Variants in PPP1R16A observed in about 807,000 individuals in gnomAD.
PPP1R16A encodes the protein protein phosphatase 1 regulatory subunit 16A.
A neutral mutation model predicts 46.6 loss-of-function variants in PPP1R16A; 39 were observed. The ratio of observed to expected loss-of-function variants is 0.84; its 90% CI spans 0.65 to 1.09. The LOEUF is 1.09. Among genes scored for constraint, PPP1R16A ranks in the 50% least tolerant of loss-of-function variants. The pLI, the probability that PPP1R16A is intolerant of heterozygous loss-of-function variation, is 0.00. For synonymous variants in PPP1R16A, 413 were observed against 321.5 expected (o/e 1.28, Z -3.04); for missense variants, 798 against 735.6 (o/e 1.08, Z -0.98).
Position 144,500,350 on chromosome 8 carries a change from GGGGCAGACC to G in PPP1R16A, c.665_673del (p.Gly222_Leu225delinsVal). On this transcript the variant is annotated inframe_deletion, in exon 7 of 12. Transcript: ENST00000435887. ...CGACATCCGGAGCCGGCTGCAGGCC[GGGGCAGACC>G]TCCATGCCCCCCTGGACCACGGGGC... is the stretch of plus-strand genomic sequence containing the variant. 6.5e-7 allele frequency: 1 copy of G among 1,535,482 alleles called. No homozygotes were observed. Among genetic ancestry groups the G allele is most frequent in the Non-Finnish European group, 8.7e-7 (1 of 1,146,036 alleles).
intron 1 of PPP1R16A, among the ~76,000 whole-genome samples, chr8:144,487,396 G>A (rs962723912): frequency 6.6e-6 from 1 of 151,328 alleles, no homozygotes; most frequent in Non-Finnish European, 1.5e-5. Flanking sequence ...GTCAGAGACA[G>A]AGTCTTTCTC....
rs760320204 is a variant in PPP1R16A, at chr8:144,500,706, C to G, written c.852C>G (p.Leu284=). The change falls in exon 9 of 12, where the codon CTC becomes CTG. Residue 284 remains leucine (L), a synonymous_variant. Coordinates refer to ENST00000435887, the MANE Select transcript of PPP1R16A (RefSeq NM_001329443.2). ...CACAGGTGCCCCTGGTGGAGCTGCT[C>G]GTGGCGCACGGGGCCGACCTGAACG... ...YWGQVPLVEL[L]VAHGADLNAK... The G allele has an allele frequency of 1.2e-6, 2 of 1,611,518 alleles. No homozygotes were observed. The highest frequency in any genetic ancestry group is 4.5e-5 in the East Asian group (2 of 44,854).
intron 1 of PPP1R16A, chr8:144,478,813 C>G (rs1825279106): frequency 6.6e-6 from 1 of 152,338 alleles, no homozygotes; most frequent in African/African-American, 2.4e-5. Context: ...GAGGGAGCGT[C>G]CAGGACTGGT....
chr8:144,479,113 G>A (rs1825294540), intron 1 of PPP1R16A: 1 of 152,308 alleles, frequency 6.6e-6, no homozygotes, highest in African/African-American at 2.4e-5. Flanking sequence ...GTTTCTCTGG[G>A]AGAAGGGTCT....
At position 144,498,958 on chromosome 8, in the gene PPP1R16A, G is replaced by A; in HGVS notation, c.373G>A (p.Glu125Lys). The change falls in exon 5 of 12, where the codon GAG (glutamate) becomes AAG (lysine). Residue 125 changes from glutamate to lysine, a missense_variant. By Grantham distance (56) the Glu-to-Lys change is moderately conservative (BLOSUM62 1). Coordinates refer to ENST00000435887, the MANE Select transcript of PPP1R16A (RefSeq NM_001329443.2). ...CCGAGAGATGGTGCAGCAGCTCCTG[G>A]AGGCTGGGGCCAACATCAATGCCTG... ...DFREMVQQLL[E>K]AGANINACDS... 1 of 1,612,492 alleles carries A rather than the reference G, an allele frequency of 6.2e-7. No homozygotes were observed. The highest frequency in any genetic ancestry group is 1.1e-5 in the South Asian group (1 of 91,090).
At chr8:144,498,054 G>C (rs1411652878) in intron 3 of PPP1R16A, 1 of 456,174 alleles carries the variant, frequency 2.2e-6, no homozygotes, top group Non-Finnish European at 4.4e-6. Flanking sequence ...GAGGCACTGT[G>C]GTGGCCCTTG....
intron 3 of PPP1R16A, 136 bp downstream of exon 3, chr8:144,497,589 C>T (rs552071845): frequency 1.4e-5 from 19 of 1,318,002 alleles, no homozygotes; most frequent in South Asian, 8.6e-5. Flanking sequence ...TGCCTGGTCT[C>T]TTCAGGCTGG....
chr8:144,480,482 T>G (rs1454270611), intron 1 of PPP1R16A, among the ~76,000 whole-genome samples: 1 of 152,054 alleles, frequency 6.6e-6, no homozygotes, highest in African/African-American at 2.4e-5. Flanking sequence ...GCCAGTTAAT[T>G]TTTATATCTT....
At chr8:144,491,252 C>T (rs1226542351) in intron 2 of PPP1R16A, among the ~76,000 whole-genome samples, 4 of 152,226 alleles carry the variant, frequency 2.6e-5, no homozygotes, top group East Asian at 1.9e-4. Flanking sequence ...AGATATTTTT[C>T]CCAGAATGAT....
intron 1 of PPP1R16A, chr8:144,478,673 T>G (rs1443455806): frequency 6.6e-6 from 1 of 152,130 alleles, no homozygotes; most frequent in Non-Finnish European, 1.5e-5. Context: ...GAAAGTGGAG[T>G]CTCACTGGGG....
chr8:144,501,479 G>A (rs776145283), intron 11 of PPP1R16A, 41 bp from the exon 12 acceptor site: 2 of 1,493,844 alleles, frequency 1.3e-6, no homozygotes, highest in South Asian at 1.4e-5. Context: ...AGGGAGGGGG[G>A]AGGAGCCTCC....
chr8:144,480,849 A>G (rs1334004514), intron 1 of PPP1R16A, among the ~76,000 whole-genome samples: 3 of 151,222 alleles, frequency 2.0e-5, no homozygotes, highest in African/African-American at 7.3e-5. Context: ...ACCTATTTTA[A>G]TGGGTTTTGT....
intron 2 of PPP1R16A, among the ~76,000 whole-genome samples, chr8:144,494,027 C>T (rs949629165): frequency 2.0e-5 from 3 of 152,158 alleles, no homozygotes; most frequent in Non-Finnish European, 4.4e-5. Context: ...ACAGGCGTTC[C>T]GTCGGGAGTG....
chr8:144,501,455 C>T, intron 11 of PPP1R16A, 65 bp from the exon 12 acceptor site: 3 of 1,486,490 alleles, frequency 2.0e-6, no homozygotes, highest in East Asian at 2.5e-5. Flanking sequence ...ACCATACAGC[C>T]TGAACCCAAG....
intron 2 of PPP1R16A, among the ~76,000 whole-genome samples, chr8:144,494,646 T>C (rs1825969164): frequency 6.6e-6 from 1 of 152,128 alleles, no homozygotes; most frequent in African/African-American, 2.4e-5. Flanking sequence ...AGACTGGGGA[T>C]GGGCAAGGGC....
Position 144,500,351 on chromosome 8 carries a change from G to C in PPP1R16A, c.665G>C (p.Gly222Ala). 6.5e-7 allele frequency: 1 copy of C among 1,535,488 alleles called. No homozygotes were observed. The highest frequency in any genetic ancestry group is 8.7e-7 in the Non-Finnish European group (1 of 1,146,074). ...GACATCCGGAGCCGGCTGCAGGCCG[G>C]GGCAGACCTCCATGCCCCCCTGGAC... Reference protein sequence around the residue: ...LDDIRSRLQAGADLHAPLDHG... With the variant: ...LDDIRSRLQAAADLHAPLDHG... The change falls in exon 7 of 12, where the codon GGG (glycine) becomes GCG (alanine). Residue 222 changes from glycine (G) to alanine (A), a missense_variant. Gly to Ala is a moderately conservative substitution (Grantham distance 60, BLOSUM62 0). Coordinates refer to ENST00000435887, the MANE Select transcript of PPP1R16A (RefSeq NM_001329443.2).
chr8:144,500,941 GC>G lies in PPP1R16A; in HGVS notation c.1009del (p.Arg337AlafsTer13), dbSNP rs1826408569. 6.7e-7 allele frequency: 1 copy of G among 1,501,398 alleles called. No homozygotes were observed. The highest frequency in any genetic ancestry group is 1.5e-5 in the African/African-American group (1 of 68,712). 93.0% of individuals were successfully genotyped at this position (1,501,398 alleles called of 1,614,324 possible). ...CAGAGCCGCCAGCGCTCCTTGCTGC[GC>G]CGCCGCACCTCCAGCGCCGGCAGCC... ...RAQSRQRSLL[R>X]RRTSSAGSRG... is the part of the protein sequence containing the mutation. On this transcript the variant is annotated frameshift_variant, in exon 10 of 12. Coordinates refer to ENST00000435887, the MANE Select transcript of PPP1R16A (RefSeq NM_001329443.2). LOFTEE classifies it high-confidence loss of function.
Position 144,497,403 on chromosome 8 carries a change from C to T in PPP1R16A, c.209C>T (p.Pro70Leu). 2 of 1,613,078 alleles carry T rather than the reference C, an allele frequency of 1.2e-6. No individual in the cohort carries two copies. The highest frequency in any genetic ancestry group is 1.7e-6 in the Non-Finnish European group (2 of 1,180,018). The change falls in exon 3 of 12, where the codon CCT becomes CTT. Residue 70 changes from proline (P) to leucine (L), a missense_variant. Coordinates refer to ENST00000435887, the MANE Select transcript of PPP1R16A (RefSeq NM_001329443.2). ...SQGLLKQVLF[P>L]PSVVLLEAAA... The stretch of plus-strand genomic sequence containing the variant: ...GGGCTCCTGAAGCAGGTCCTCTTCC[C>T]TCCCAGTGTTGTCCTTCTGGAGGCC...
At chr8:144,490,255 C>A (rs1185049500) in intron 2 of PPP1R16A, 43 bp downstream of exon 2, 1 of 152,408 alleles carries the variant, frequency 6.6e-6, no homozygotes, top group Non-Finnish European at 1.5e-5. Context: ...GCCTGTAATC[C>A]CAGCACTGTG....
Sources: allele counts gnomAD v4.1 joint callset (sites outside exome capture counted in the v4.1 genomes callset), GRCh38; gene constraint gnomAD v4.1.1; transcripts MANE v1.5; gene names NCBI Gene and HGNC (gene_info 2026-07-23, HGNC 2026-07-21).